PCMT1: variants seen among roughly 807,000 people sequenced by gnomAD.
PCMT1 encodes the protein protein-L-isoaspartate (D-aspartate) O-methyltransferase.
In PCMT1, 9 loss-of-function variants were observed where a neutral mutation model predicts 29.2. That is an observed-to-expected ratio of 0.31 (90% confidence interval 0.19 to 0.54). The LOEUF is 0.54. Among genes scored for constraint, PCMT1 ranks in the 20% least tolerant of loss-of-function variants. The pLI, the probability that PCMT1 is intolerant of heterozygous loss-of-function variation, is 0.95. For synonymous variants in PCMT1, 98 were observed against 97.5 expected (o/e 1.00, Z -0.03); for missense variants, 184 against 282.2 (o/e 0.65, Z 2.49).
At chr6:149,787,823 C>CTGTGTGTG (rs35913473) in intron 3 of PCMT1, among the ~76,000 whole-genome samples, 11 of 150,140 alleles carry the variant, frequency 7.3e-5, no homozygotes, top group Non-Finnish European at 1.3e-4. Flanking sequence ...CCTCTCTCCT[C>CTGTGTGTG]TGTGTGTGTG....
intron 3 of PCMT1, among the ~76,000 whole-genome samples, chr6:149,786,526 C>G (rs1302675206): frequency 8.7e-6 from 1 of 115,268 alleles, no homozygotes; most frequent in Non-Finnish European, 1.6e-5. Flanking sequence ...GACGGGGCGG[C>G]TGCCGGGCGG....
intron 1 of PCMT1, among the ~76,000 whole-genome samples, chr6:149,764,019 G>T (rs1034425274): frequency 6.6e-6 from 1 of 152,130 alleles, no homozygotes; most frequent in Non-Finnish European, 1.5e-5. Flanking sequence ...TTTTAGAAGA[G>T]AATATGGTAC....
intron 1 of PCMT1, among the ~76,000 whole-genome samples, chr6:149,750,764 T>C (rs1339198490): frequency 6.6e-6 from 1 of 152,174 alleles, no homozygotes; most frequent in Non-Finnish European, 1.5e-5. Context: ...CTTCTGATGA[T>C]AATTTTAGGA....
chr6:149,751,388 T>G (rs1786312418), intron 1 of PCMT1, among the ~76,000 whole-genome samples: 1 of 152,034 alleles, frequency 6.6e-6, no homozygotes, highest in African/African-American at 2.4e-5. Flanking sequence ...TAAATGCCCA[T>G]TAAATGTCCG....
chr6:149,787,100 AC>A (rs1788137702), intron 3 of PCMT1, among the ~76,000 whole-genome samples: 1 of 141,294 alleles, frequency 7.1e-6, no homozygotes, highest in South Asian at 2.3e-4. Context: ...ACACAGCGAA[AC>A]CCCGTCTCCA....
intron 7 of PCMT1, among the ~76,000 whole-genome samples, chr6:149,807,461 C>T (rs1776047312): frequency 6.6e-6 from 1 of 152,158 alleles, no homozygotes; most frequent in Non-Finnish European, 1.5e-5. Flanking sequence ...ACCTCCGCCT[C>T]CTGGGTTCAA....
chr6:149,779,509 T>C (rs1485648261), intron 3 of PCMT1, among the ~76,000 whole-genome samples: 3 of 152,036 alleles, frequency 2.0e-5, no homozygotes, highest in African/African-American at 4.8e-5. Flanking sequence ...ATGAAAGATT[T>C]ATATAGAAGC....
intron 1 of PCMT1, among the ~76,000 whole-genome samples, chr6:149,760,620 G>T (rs1786696197): frequency 6.6e-6 from 1 of 152,136 alleles, no homozygotes; most frequent in South Asian, 2.1e-4. Context: ...TTGGGAGGTC[G>T]AGGTGGGCGG....
At chr6:149,759,957 A>G (rs1404326936) in intron 1 of PCMT1, among the ~76,000 whole-genome samples, 2 of 152,166 alleles carry the variant, frequency 1.3e-5, no homozygotes, top group Non-Finnish European at 2.9e-5. Context: ...AATGCCTTTC[A>G]TAGCCATCCC....
At chr6:149,756,199 TTAG>T (rs1389661622) in intron 1 of PCMT1, among the ~76,000 whole-genome samples, 1 of 152,192 alleles carries the variant, frequency 6.6e-6, no homozygotes, top group East Asian at 1.9e-4. Flanking sequence ...GTCGAGATTT[TTAG>T]TAGGCATTTG....
rs1786889996 is a variant in PCMT1, at chr6:149,763,010, C to CTATGATATATATGATATATA, written c.56-8133_56-8132insATATGATATATATGATATAT. ...TCTATGATATATATGATATATATAT[C>CTATGATATATATGATATATA]TATGATATATATGATATATCTATGA... On this transcript the variant is annotated intron_variant, in intron 1 of 7. Coordinates refer to ENST00000464889, the MANE Select transcript of PCMT1 (RefSeq NM_001360452.2). 9.7e-5 allele frequency among the ~76,000 whole-genome samples: 5 copies of CTATGATATATATGATATATA among 51,464 alleles called. 2 individuals carry two copies. Among genetic ancestry groups the CTATGATATATATGATATATA allele is most frequent in the South Asian group, 5.7e-4 (1 of 1,750 alleles). The allele number at this position is 51,464 out of a possible 152,430, so 33.8% of individuals were successfully genotyped here.
chr6:149,780,419 T>C (rs1215778632), intron 3 of PCMT1, among the ~76,000 whole-genome samples: 2 of 152,184 alleles, frequency 1.3e-5, no homozygotes, highest in East Asian at 3.8e-4. Flanking sequence ...GTTTTTAGTT[T>C]ATTCAGAGTT....
In PCMT1 at chr6:149,786,107, C is replaced by T. The variant is rs1425844624; in HGVS notation, c.193-3847C>T. 1.4e-5 allele frequency among the ~76,000 whole-genome samples: 2 copies of T among 141,902 alleles called. 1 individual carries two copies. The highest frequency in any genetic ancestry group is 3.1e-5 in the Non-Finnish European group (2 of 64,984). The allele number at this position is 141,902 out of a possible 152,430, so 93.1% of individuals were successfully genotyped here. ...AGGAGCTCCTCCTTCCCAGTAGGGG[C>T]GGCCGGGCAGAGGCGCCCCTCACCT... On this transcript the variant is annotated intron_variant, in intron 3 of 7. Coordinates refer to ENST00000464889, the MANE Select transcript of PCMT1 (RefSeq NM_001360452.2).
At chr6:149,763,142 T>TCTATGATATATATCTATG (rs1253530225) in intron 1 of PCMT1, among the ~76,000 whole-genome samples, 1 of 61,960 alleles carries the variant, frequency 1.6e-5, no homozygotes, top group African/African-American at 1.6e-4. Context: ...ATATGATATA[T>TCTATGATATATATCTATG]ATATCTATGA....
At chr6:149,768,444 ATTTTTTTTT>A (rs548328646) in intron 1 of PCMT1, among the ~76,000 whole-genome samples, 109 of 75,856 alleles carry the variant, frequency 1.4e-3, no homozygotes, top group African/African-American at 7.0e-3. Context: ...TTAGTCTTGA[ATTTTTTTTT>A]TTTTTTTTTT....
Position 149,796,413 on chromosome 6 carries a change from A to AG in PCMT1, c.419-1dup. The AG allele has an allele frequency of 1.9e-6, 3 of 1,609,556 alleles. No individual in the cohort carries two copies. Among genetic ancestry groups the AG allele is most frequent in the Non-Finnish European group, 2.5e-6 (3 of 1,177,700 alleles). On this transcript the variant is annotated splice_acceptor_variant, in intron 5 of 7. Coordinates refer to ENST00000464889, the MANE Select transcript of PCMT1 (RefSeq NM_001360452.2). LOFTEE classifies it high-confidence loss of function. ...TTTAAAGCATAGCTGTTTTTCTTTC[A>AG]GTGGGGGATGGAAGAATGGGATATG...
intron 1 of PCMT1, among the ~76,000 whole-genome samples, chr6:149,753,999 G>GT (rs1443434969): frequency 6.6e-6 from 1 of 152,216 alleles, no homozygotes; most frequent in East Asian, 1.9e-4. Context: ...TTGAGAACCA[G>GT]TGACATGGAG....
At chr6:149,780,431 C>T (rs574261820) in intron 3 of PCMT1, among the ~76,000 whole-genome samples, 17 of 152,062 alleles carry the variant, frequency 1.1e-4, no homozygotes, top group African/African-American at 3.9e-4. Context: ...TTCAGAGTTA[C>T]ACAAACATCA....
rs949778015 is a variant in PCMT1, at chr6:149,810,917, G to A, written c.*339G>A. On this transcript the variant is annotated 3_prime_UTR_variant, in exon 8 of 8. Coordinates refer to ENST00000464889, the MANE Select transcript of PCMT1 (RefSeq NM_001360452.2). ...TTCTGTAAAATGGAAAACTTAGTTT[G>A]TGAATTGATTTTGAGGAGTGGTTTT... The A allele has an allele frequency of 2.2e-5, 7 of 313,166 alleles. No homozygotes were observed. Among genetic ancestry groups the A allele is most frequent in the African/African-American group, 1.3e-4 (6 of 46,192 alleles). 19.4% of individuals were successfully genotyped at this position (313,166 alleles called of 1,614,324 possible).
Sources: gnomAD v4.1 joint callset for allele counts (sites outside exome capture counted in the v4.1 genomes callset) on GRCh38, gnomAD v4.1.1 for gene constraint, MANE v1.5 for transcripts, NCBI Gene and HGNC (gene_info 2026-07-23, HGNC 2026-07-21) for gene names.